The following FYN variants were observed in gnomAD, a reference collection of about 807,000 sequenced individuals.
The protein encoded by FYN is tyrosine-protein kinase Fyn.
FYN carries 10 observed loss-of-function variants against 70.2 expected under a neutral mutation model. The ratio of observed to expected loss-of-function variants is 0.14; its 90% CI spans 0.09 to 0.24. FYN has a LOEUF of 0.24. FYN is among the 10% of genes least tolerant of loss of function. The pLI is 1.00. For synonymous variants in FYN, 236 were observed against 248.6 expected, an observed-to-expected ratio of 0.95 and a Z score of 0.48; for missense variants, 319 against 673.1, an observed-to-expected ratio of 0.47 and a Z score of 5.82.
intron 1 of FYN, among the ~76,000 whole-genome samples, chr6:111,866,360 G>C (rs1774105768): frequency 6.6e-6 from 1 of 152,086 alleles, no homozygotes; most frequent in Non-Finnish European, 1.5e-5. Context: ...CTTTTGTTTT[G>C]AGACAGAGCC....
chr6:111,718,254 G>A (rs1250000405), intron 4 of FYN, among the ~76,000 whole-genome samples: 1 of 152,172 alleles, frequency 6.6e-6, no homozygotes. Flanking sequence ...AAACACAGAC[G>A]TTGTTCTTGG....
intron 2 of FYN, among the ~76,000 whole-genome samples, chr6:111,784,005 A>G (rs1245056645): frequency 6.6e-6 from 1 of 152,226 alleles, no homozygotes; most frequent in East Asian, 1.9e-4. Context: ...GATTGGTTTA[A>G]GAATAAGCAT....
At chr6:111,872,617 A>G (rs1391588894) in intron 1 of FYN, among the ~76,000 whole-genome samples, 1 of 151,994 alleles carries the variant, frequency 6.6e-6, no homozygotes, top group Non-Finnish European at 1.5e-5. Context: ...AAAACAACAC[A>G]CACAGCCCCA....
intron 3 of FYN, among the ~76,000 whole-genome samples, chr6:111,749,314 T>G (rs1486418088): frequency 2.0e-5 from 3 of 152,210 alleles, no homozygotes; most frequent in Non-Finnish European, 4.4e-5. Flanking sequence ...TAAAATTGAA[T>G]GGCAATGATA....
intron 2 of FYN, among the ~76,000 whole-genome samples, chr6:111,828,305 C>G (rs1410056829): frequency 6.6e-6 from 1 of 152,124 alleles, no homozygotes; most frequent in Non-Finnish European, 1.5e-5. Context: ...ACTTTGTGAT[C>G]AAACAAGTTT....
chr6:111,741,887 A>G (rs1266076307), intron 3 of FYN, among the ~76,000 whole-genome samples: 2 of 152,224 alleles, frequency 1.3e-5, no homozygotes, highest in African/African-American at 4.8e-5. Flanking sequence ...GACAAGTCCC[A>G]GGGTTATGCT....
chr6:111,841,866 A>T (rs1291058303), intron 2 of FYN, among the ~76,000 whole-genome samples: 1 of 151,138 alleles, frequency 6.6e-6, no homozygotes, highest in Non-Finnish European at 1.5e-5. Context: ...CAATCCAGGG[A>T]TTTACATAAA....
chr6:111,807,372 A>G (rs1772182294), intron 2 of FYN, among the ~76,000 whole-genome samples: 1 of 152,188 alleles, frequency 6.6e-6, no homozygotes, highest in South Asian at 2.1e-4. Flanking sequence ...ACTCCTGCTA[A>G]TGGATCAGTT....
At chr6:111,675,582 C>T (rs1447761266) in intron 12 of FYN, among the ~76,000 whole-genome samples, 2 of 151,986 alleles carry the variant, frequency 1.3e-5, no homozygotes, top group Admixed American at 1.3e-4. Context: ...CATTTGAGGT[C>T]AGGAGTTCAA....
At chr6:111,782,466 C>T (rs1477660403) in intron 2 of FYN, among the ~76,000 whole-genome samples, 1 of 152,116 alleles carries the variant, frequency 6.6e-6, no homozygotes, top group Admixed American at 6.5e-5. Flanking sequence ...GATGGGACAC[C>T]TAAGCATTCT....
chr6:111,736,293 T>A (rs1801707247), intron 3 of FYN, among the ~76,000 whole-genome samples: 1 of 152,182 alleles, frequency 6.6e-6, no homozygotes, highest in East Asian at 1.9e-4. Flanking sequence ...CAGTTTTGCA[T>A]AAAAAATATA....
chr6:111,868,391 C>A (rs1179987061), intron 1 of FYN, among the ~76,000 whole-genome samples: 2 of 152,084 alleles, frequency 1.3e-5, no homozygotes, highest in African/African-American at 2.4e-5. Flanking sequence ...TAATTGTGTA[C>A]CACAGAAAGA....
chr6:111,823,013 C>T (rs1772721949), intron 2 of FYN, among the ~76,000 whole-genome samples: 1 of 152,236 alleles, frequency 6.6e-6, no homozygotes, highest in Admixed American at 6.5e-5. Flanking sequence ...AGTAGGTGCA[C>T]ATCACATGCC....
intron 13 of FYN, among the ~76,000 whole-genome samples, chr6:111,672,047 A>G (rs1281801843): frequency 6.6e-6 from 1 of 152,144 alleles, no homozygotes; most frequent in Non-Finnish European, 1.5e-5. Flanking sequence ...CAATGAGGAC[A>G]CGGTTCCCTG....
intron 12 of FYN, among the ~76,000 whole-genome samples, chr6:111,688,407 T>G (rs904512404): frequency 3.3e-5 from 5 of 152,164 alleles, no homozygotes; most frequent in African/African-American, 1.2e-4. Flanking sequence ...GCCATGCACA[T>G]TGATGAGAGA....
At chr6:111,842,579 G>A (rs1773395973) in intron 2 of FYN, among the ~76,000 whole-genome samples, 1 of 152,152 alleles carries the variant, frequency 6.6e-6, no homozygotes, top group South Asian at 2.1e-4. Context: ...AGCACTGTGA[G>A]GCCTTTGGAT....
chr6:111,691,087 C>A (rs531024554), intron 12 of FYN, among the ~76,000 whole-genome samples: 7 of 152,284 alleles, frequency 4.6e-5, no homozygotes, highest in African/African-American at 1.7e-4. Flanking sequence ...TAAGCAATCG[C>A]CCCAAATTTC....
Position 111,770,744 on chromosome 6 carries a change from G to T in FYN, c.-12+9822C>A, listed in dbSNP as rs530971299. Among the ~76,000 whole-genome samples the T allele has an allele frequency of 7.9e-5, 12 of 152,278 alleles. No individual in the cohort carries two copies. In the East Asian group the frequency reaches 2.3e-3, roughly 29 times the overall value. ...CCATGTGCTGGGTCAAAACATGGCA[G>T]ATATGTGTGAAGACGCCAAACCTAG... On this transcript the variant is annotated intron_variant, in intron 3 of 13. Transcript: ENST00000354650.
At chr6:111,711,425 C>T (rs1259592390) in intron 5 of FYN, among the ~76,000 whole-genome samples, 1 of 152,218 alleles carries the variant, frequency 6.6e-6, no homozygotes. Flanking sequence ...AACTTAAATA[C>T]TTTGCAAAAG....
Sources: gnomAD v4.1 joint callset for allele counts (sites outside exome capture counted in the v4.1 genomes callset) on GRCh38, gnomAD v4.1.1 for gene constraint, MANE v1.5 for transcripts, NCBI Gene and HGNC (gene_info 2026-07-23, HGNC 2026-07-21) for gene names.